WDHD1: variants seen among roughly 807,000 people sequenced by gnomAD.
The protein encoded by WDHD1 is WD repeat and HMG-box DNA-binding protein 1.
In WDHD1, 111 loss-of-function variants were observed where a neutral mutation model predicts 135.4. That is an observed-to-expected ratio of 0.82 (90% CI 0.70 to 0.96). WDHD1 has a LOEUF of 0.96. Ranked by LOEUF, WDHD1 falls within the 40% of genes least tolerant of loss-of-function variation. The pLI is 0.00. For synonymous variants in WDHD1, 434 were observed against 439.0 expected (o/e 0.99, Z 0.14); for missense variants, 1,351 against 1,336.3 (o/e 1.01, Z -0.17).
At chr14:55,001,241 G>GT (rs1349396279) in intron 8 of WDHD1, among the ~76,000 whole-genome samples, 3 of 151,882 alleles carry the variant, frequency 2.0e-5, no homozygotes, top group Non-Finnish European at 4.4e-5. Context: ...ACTTTATCAT[G>GT]AAAAAAATTA....
intron 10 of WDHD1, among the ~76,000 whole-genome samples, chr14:54,998,149 G>A (rs2041916739): frequency 6.6e-6 from 1 of 151,984 alleles, no homozygotes; most frequent in South Asian, 2.1e-4. Context: ...GGAGGCGGAG[G>A]TTGCAGGGAG....
At chr14:55,017,013 C>A (rs1339076720) in intron 2 of WDHD1, among the ~76,000 whole-genome samples, 1 of 152,052 alleles carries the variant, frequency 6.6e-6, no homozygotes, top group Non-Finnish European at 1.5e-5. Flanking sequence ...GAAAATCGCC[C>A]GTATTAATTC....
rs755882561 is a variant in WDHD1, at chr14:55,008,594, G to A, written c.453+14C>T. 3 of 1,573,666 alleles carry A rather than the reference G, an allele frequency of 1.9e-6. No homozygotes were observed. The highest frequency in any genetic ancestry group is 1.2e-5 in the South Asian group (1 of 83,816). On this transcript the variant is annotated intron_variant, in intron 5 of 25. Coordinates refer to ENST00000360586, the MANE Select transcript of WDHD1 (RefSeq NM_007086.4). ...TTCAGGAAAAACACAAAAAGAGAAG[G>A]AAAAAATAATTACCAGAAAGATGTC...
intron 24 of WDHD1, among the ~76,000 whole-genome samples, chr14:54,948,524 C>T (rs1426749852): frequency 1.3e-5 from 2 of 152,226 alleles, no homozygotes; most frequent in African/African-American, 2.4e-5. Flanking sequence ...GGGTGGAGCC[C>T]ACTGAAGCTC....
At chr14:54,944,701 C>G in intron 24 of WDHD1, 2 of 250,308 alleles carry the variant, frequency 8.0e-6, no homozygotes, top group Non-Finnish European at 1.5e-5. Context: ...CTCACTGCAA[C>G]CTCCGCCTCC....
chr14:55,019,286 A>G (rs1472240751), intron 2 of WDHD1, among the ~76,000 whole-genome samples: 1 of 152,226 alleles, frequency 6.6e-6, no homozygotes. Flanking sequence ...TTGGATAATC[A>G]ATGTAAATAA....
chr14:54,963,706 A>G (rs1019904664), intron 18 of WDHD1, among the ~76,000 whole-genome samples: 7 of 150,802 alleles, frequency 4.6e-5, no homozygotes, highest in Admixed American at 6.7e-5. Context: ...AAGCTGAGGC[A>G]GGAGAATCGC....
intron 16 of WDHD1, among the ~76,000 whole-genome samples, chr14:54,981,298 TC>T (rs1461727881): frequency 6.6e-6 from 1 of 152,198 alleles, no homozygotes; most frequent in Non-Finnish European, 1.5e-5. Flanking sequence ...AGAATTCCTC[TC>T]CCTGTGTGGC....
At chr14:54,971,143 A>C (rs1460679450) in intron 16 of WDHD1, among the ~76,000 whole-genome samples, 2 of 152,272 alleles carry the variant, frequency 1.3e-5, no homozygotes, top group East Asian at 3.9e-4. Flanking sequence ...CCCAGAAGAA[A>C]CCCTAGCAAA....
At chr14:54,974,490 TTTG>T (rs1438033854) in intron 16 of WDHD1, among the ~76,000 whole-genome samples, 2 of 126,594 alleles carry the variant, frequency 1.6e-5, no homozygotes, top group Non-Finnish European at 3.3e-5. Flanking sequence ...CCTGTTTTGT[TTTG>T]TTTTTTTTTT....
chr14:54,947,939 G>GAC (rs1316421740), intron 24 of WDHD1, among the ~76,000 whole-genome samples: 4 of 151,790 alleles, frequency 2.6e-5, no homozygotes, highest in African/African-American at 4.8e-5. Context: ...AATAAGGCCA[G>GAC]GAGTGGTGGC....
At chr14:54,984,358 G>C (rs917905016) in intron 15 of WDHD1, among the ~76,000 whole-genome samples, 2 of 152,138 alleles carry the variant, frequency 1.3e-5, no homozygotes, top group African/African-American at 2.4e-5. Context: ...AGCTAGGCAT[G>C]GTGGCACATG....
At chr14:54,991,087 C>T in intron 12 of WDHD1, 126 bp downstream of exon 12, 1 of 543,284 alleles carries the variant, frequency 1.8e-6, no homozygotes, top group Non-Finnish European at 3.3e-6. Flanking sequence ...AAACTGTAAT[C>T]AACCAAAGTG....
intron 24 of WDHD1, among the ~76,000 whole-genome samples, chr14:54,948,110 A>G (rs1236560614): frequency 2.0e-5 from 3 of 151,956 alleles, no homozygotes; most frequent in Non-Finnish European, 2.9e-5. Flanking sequence ...TTCAGCCTAC[A>G]GCTCCCAGCA....
chr14:54,962,633 G>A, intron 20 of WDHD1, 82 bp from the exon 21 acceptor site: 1 of 1,523,430 alleles, frequency 6.6e-7, no homozygotes, highest in South Asian at 1.1e-5. Flanking sequence ...TAGCAAAGAG[G>A]TCTGAAAAAA....
In WDHD1 at chr14:54,939,224, C is replaced by G. The variant is rs2040806331; in HGVS notation, c.*2266G>C. 1.3e-5 allele frequency: 2 copies of G among 152,132 alleles called. No homozygotes were observed. The highest frequency in any genetic ancestry group is 4.8e-5 in the African/African-American group (2 of 41,430). 9.4% of individuals were successfully genotyped at this position (152,132 alleles called of 1,614,324 possible). On this transcript the variant is annotated 3_prime_UTR_variant, in exon 26 of 26. Transcript: ENST00000360586. ...ACAAAGAGGGCCCATAAGACAGTCA[C>G]TGATTAAGATGCTTTCTACATGGAT... is the stretch of plus-strand genomic sequence containing the variant.
At chr14:54,973,346 G>C in intron 16 of WDHD1, among the ~76,000 whole-genome samples, 1 of 152,096 alleles carries the variant, frequency 6.6e-6, no homozygotes, top group South Asian at 2.1e-4. Flanking sequence ...AAACAAGTAA[G>C]TGACAATGTC....
At chr14:54,964,638 CAAA>C (rs112754983) in intron 18 of WDHD1, among the ~76,000 whole-genome samples, 1 of 126,622 alleles carries the variant, frequency 7.9e-6, no homozygotes, top group Non-Finnish European at 1.7e-5. Context: ...GACTTCGTTT[CAAA>C]AAAAAAAAAA....
intron 10 of WDHD1, among the ~76,000 whole-genome samples, chr14:54,996,853 G>A (rs963859794): frequency 5.9e-5 from 9 of 152,106 alleles, no homozygotes; most frequent in East Asian, 1.9e-4. Flanking sequence ...GTGCAGTGGC[G>A]TGATCTCGGC....
Sources: gnomAD v4.1 joint callset for allele counts (sites outside exome capture counted in the v4.1 genomes callset) on GRCh38, gnomAD v4.1.1 for gene constraint, MANE v1.5 for transcripts, NCBI Gene and HGNC (gene_info 2026-07-23, HGNC 2026-07-21) for gene names.